Variants in ZAN observed in about 807,000 individuals in gnomAD.
ZAN encodes zonadhesin.
In ZAN, 260 loss-of-function variants were observed where a neutral mutation model predicts 286.2. The ratio of observed to expected loss-of-function variants is 0.91; its 90% CI spans 0.82 to 1.01. The LOEUF is 1.01. Ranked by LOEUF, ZAN falls within the 50% of genes least tolerant of loss-of-function variation. The pLI is 0.00. For synonymous variants in ZAN, 1,368 were observed against 1,417.5 expected, an observed-to-expected ratio of 0.97 and a Z score of 0.79; for missense variants, 3,410 against 3,639.2, an observed-to-expected ratio of 0.94 and a Z score of 1.62.
chr7:100,735,988 G>C lies in ZAN; in HGVS notation c.106+216G>C, dbSNP rs1298250575. Among the ~76,000 whole-genome samples, 3 of 140,928 alleles carry C rather than the reference G, an allele frequency of 2.1e-5. 1 individual carries two copies. Among genetic ancestry groups the C allele is most frequent in the Non-Finnish European group, 4.8e-5 (3 of 62,894 alleles). 92.5% of individuals were successfully genotyped at this position (140,928 alleles called of 152,430 possible). ...CCTTGTCATTCTGTCCACTCTCCCAGCCCCGAATTTCTCCTAAAAGATTCT... is the reference window on the plus strand; with the variant it reads ...CCTTGTCATTCTGTCCACTCTCCCACCCCCGAATTTCTCCTAAAAGATTCT... On this transcript the variant is annotated intron_variant, in intron 3 of 47. Transcript: ENST00000613979.
Position 100,765,387 on chromosome 7 carries a change from T to C in ZAN, c.4303T>C (p.Cys1435Arg). ...CCCGCCCAACAGCAAGTACTCCCTG[T>C]GTGCGAAGCCATGCCCTGACACCTG... is the stretch of plus-strand genomic sequence containing the variant. ...ACPPNSKYSL[C>R]AKPCPDTCHS... is the part of the protein sequence containing the mutation. The change falls in exon 23 of 48, where the codon TGT becomes CGT. Residue 1435 changes from cysteine to arginine, a missense_variant. This residue lies in a region of ZAN where 1,042 missense variants were observed against 1,058.0 expected (regional missense o/e 0.98). Coordinates refer to ENST00000613979, the MANE Select transcript of ZAN (RefSeq NM_003386.3). 1 of 1,613,998 alleles carries C rather than the reference T, an allele frequency of 6.2e-7. No individual in the cohort carries two copies. Among genetic ancestry groups the C allele is most frequent in the South Asian group, 1.1e-5 (1 of 91,070 alleles).
intron 35 of ZAN, among the ~76,000 whole-genome samples, chr7:100,783,082 A>G (rs1457921859): frequency 2.0e-5 from 3 of 152,020 alleles, no homozygotes; most frequent in Admixed American, 2.0e-4. Flanking sequence ...AGCCTGGCCA[A>G]CATGGCAAAA....
In ZAN at chr7:100,779,508, G is replaced by C. The variant is rs754907824; in HGVS notation, c.6380G>C (p.Gly2127Ala). Residue 2127 changes from glycine to alanine, a missense_variant, in exon 35 of 48, where the codon GGA becomes GCA. Physicochemically the swap from Gly to Ala is moderately conservative, Grantham distance 60 (BLOSUM62 0). Coordinates refer to ENST00000613979, the MANE Select transcript of ZAN (RefSeq NM_003386.3). ...IPAEQQENPS[G>A]NCRAADLRRA... ...GCGGAACAGCAGGAGAACCCGAGTGGAAACTGCAGGGCGGCCGACCTCCGC... is the reference window on the plus strand; with the variant it reads ...GCGGAACAGCAGGAGAACCCGAGTGCAAACTGCAGGGCGGCCGACCTCCGC... 1.4e-5 allele frequency: 22 copies of C among 1,611,048 alleles called. No individual in the cohort carries two copies. In the South Asian group the frequency reaches 2.4e-4, roughly 18 times the overall value.
At chr7:100,770,002 T>C in intron 28 of ZAN, 28 bp downstream of exon 28, 1 of 1,547,350 alleles carries the variant, frequency 6.5e-7, no homozygotes, top group Middle Eastern at 1.8e-4. Flanking sequence ...TGGCCCTTTT[T>C]CCTCCCTGAA....
rs759143859 is a variant in ZAN, at chr7:100,775,753, A to T, written c.6112A>T (p.Asn2038Tyr). 2 of 1,613,954 alleles carry T rather than the reference A, an allele frequency of 1.2e-6. No individual in the cohort carries two copies. Among genetic ancestry groups the T allele is most frequent in the South Asian group, 2.2e-5 (2 of 91,080 alleles). ...GTCCAGCAGCATCTACAGCATTGTT[A>T]ACATCAAGATCGGGGTGCAAGTCAA... ...VKSSSIYSIV[N>Y]IKIGVQVKFD... The change falls in exon 33 of 48, where the codon AAC becomes TAC. Residue 2038 changes from asparagine to tyrosine, a missense_variant. By Grantham distance (143) the Asn-to-Tyr change is moderately radical (BLOSUM62 -2). Transcript: ENST00000613979.
chr7:100,751,582 G>A (rs917991282), intron 13 of ZAN, 130 bp from the exon 14 acceptor site: 4 of 999,236 alleles, frequency 4.0e-6, no homozygotes, highest in East Asian at 5.3e-5. Context: ...GTGGATGAAG[G>A]TTGGGGTTTG....
Position 100,751,175 on chromosome 7 carries a change from C to A in ZAN, c.1522-7C>A, listed in dbSNP as rs1164373037. 1 of 1,597,036 alleles carries A rather than the reference C, an allele frequency of 6.3e-7. No individual in the cohort carries two copies. On this transcript the variant is annotated splice_region_variant and splice_polypyrimidine_tract_variant and intron_variant, in intron 12 of 47. Transcript: ENST00000613979. Reference sequence around the variant, plus strand: ...CTCTCTCCGTCTCTCTCCCTTGTCGCCTTTAGCTTATTTTCAAGGGCATCC... The same window carrying A: ...CTCTCTCCGTCTCTCTCCCTTGTCGACTTTAGCTTATTTTCAAGGGCATCC...
chr7:100,797,726 C>T lies in ZAN; in HGVS notation c.8433C>T (p.Ala2811=), dbSNP rs1812461163. 3 of 1,613,926 alleles carry T rather than the reference C, an allele frequency of 1.9e-6. No homozygotes were observed. Among genetic ancestry groups the T allele is most frequent in the Non-Finnish European group, 2.5e-6 (3 of 1,179,880 alleles). ...LVDTDTVLDC[A]C ...CCTCAGATACTGTTCTGGACTGTGC[C>T]TGTTAAGTTGCTCAGTTTTGAGCTG... The change falls in exon 48 of 48, where the codon GCC becomes GCT. Residue 2811 remains alanine, a synonymous_variant. Coordinates refer to ENST00000613979, the MANE Select transcript of ZAN (RefSeq NM_003386.3).
chr7:100,751,491 C>T (rs926365457), intron 13 of ZAN, among the ~76,000 whole-genome samples: 1 of 152,160 alleles, frequency 6.6e-6, no homozygotes, highest in African/African-American at 2.4e-5. Flanking sequence ...ATCCAGAACT[C>T]CTTCCTCTGC....
At position 100,736,850 on chromosome 7, in the gene ZAN, G is replaced by C. The variant is rs1264140645; in HGVS notation, c.295G>C (p.Gly99Arg). 4.7e-6 allele frequency: 7 copies of C among 1,483,484 alleles called. 2 individuals are homozygous for C. Among genetic ancestry groups the C allele is most frequent in the South Asian group, 3.6e-5 (3 of 84,458 alleles). 91.9% of individuals were successfully genotyped at this position (1,483,484 alleles called of 1,614,324 possible). Residue 99 changes from glycine to arginine, a missense_variant, in exon 5 of 48, where the codon GGG becomes CGG. Transcript: ENST00000613979. ...LHMESNSFHR[G>R]GVARLLSPDL... ...TATGGAATCGAACAGCTTCCACCGT[G>C]GGGGAGTGGCCCGCCTGCTCAGCCC...
intron 7 of ZAN, among the ~76,000 whole-genome samples, chr7:100,745,616 T>C (rs1307703264): frequency 6.6e-6 from 1 of 151,962 alleles, no homozygotes; most frequent in Non-Finnish European, 1.5e-5. Flanking sequence ...TCGGGTGTAG[T>C]GGCTCAAGCC....
chr7:100,771,806 CCCCTCCCCTGG>C (rs1810382859), intron 28 of ZAN, 27 bp from the exon 29 acceptor site: 1 of 1,585,732 alleles, frequency 6.3e-7, no homozygotes. Flanking sequence ...TCCTTCCCGG[CCCCTCCCCTGG>C]CTCATCTGCC....
In ZAN at chr7:100,759,784, G is replaced by A. The variant is rs1361378958; in HGVS notation, c.3635G>A (p.Ser1212Asn). 1 of 1,606,588 alleles carries A rather than the reference G, an allele frequency of 6.2e-7. No individual in the cohort carries two copies. Among genetic ancestry groups the A allele is most frequent in the African/African-American group, 1.3e-5 (1 of 74,636 alleles). ...GGACAGGAAGGCGTGTCCTGCCTGA[G>A]CAAAGTCTACGTGACCCTGCCCGAG... ...EQGQEGVSCL[S>N]KVYVTLPEST... Residue 1212 changes from serine to asparagine, a missense_variant, in exon 18 of 48, where the codon AGC becomes AAC. Transcript: ENST00000613979.
intron 7 of ZAN, among the ~76,000 whole-genome samples, chr7:100,745,323 C>T (rs1395488966): frequency 6.6e-6 from 1 of 151,774 alleles, no homozygotes; most frequent in Admixed American, 6.6e-5. Flanking sequence ...AGGATCCCAC[C>T]TTCGGCAGGA....
At chr7:100,777,449 G>C (rs920771444) in intron 34 of ZAN, among the ~76,000 whole-genome samples, 1 of 152,038 alleles carries the variant, frequency 6.6e-6, no homozygotes, top group South Asian at 2.1e-4. Flanking sequence ...CTGCTTCCGG[G>C]GTTCAAGCAA....
intron 42 of ZAN, among the ~76,000 whole-genome samples, chr7:100,793,416 A>G (rs1048753715): frequency 1.3e-5 from 2 of 152,086 alleles, no homozygotes; most frequent in African/African-American, 2.4e-5. Flanking sequence ...CTTCCTGCCT[A>G]TATGCAACGC....
rs566055417 is a variant in ZAN at position 100,734,349 on chromosome 7, G to T, written c.53+128G>T. 5 of 639,290 alleles carry T rather than the reference G, an allele frequency of 7.8e-6. 2 individuals are homozygous for T. The highest frequency in any genetic ancestry group is 1.2e-5 in the Non-Finnish European group (5 of 405,084). 39.6% of individuals were successfully genotyped at this position (639,290 alleles called of 1,614,324 possible). On this transcript the variant is annotated intron_variant, in intron 2 of 47. Transcript: ENST00000613979. ...AAGATCTGGAGAGAGGCCAGGCACG[G>T]TGGCTCACGCCTGTAATCCCAGCAC...
chr7:100,794,683 A>G (rs1276305138), intron 44 of ZAN, among the ~76,000 whole-genome samples: 1 of 151,962 alleles, frequency 6.6e-6, no homozygotes, highest in Non-Finnish European at 1.5e-5. Context: ...AAAATTAAAG[A>G]AAAAAAGAGC....
intron 43 of ZAN, 45 bp downstream of exon 43, chr7:100,794,063 G>A: frequency 6.2e-7 from 1 of 1,613,164 alleles, no homozygotes; most frequent in East Asian, 2.2e-5. Flanking sequence ...AGGCGCCAAG[G>A]AGAGCCAGAC....
Sources: gnomAD v4.1 joint callset for allele counts (sites outside exome capture counted in the v4.1 genomes callset) on GRCh38, gnomAD v4.1.1 for gene constraint, gnomAD v4.1.1 regional missense constraint, MANE v1.5 for transcripts, NCBI Gene and HGNC (gene_info 2026-07-23, HGNC 2026-07-21) for gene names.